VTI1A: variants seen among roughly 807,000 people sequenced by gnomAD.
VTI1A encodes vesicle transport through interaction with t-SNAREs 1A.
VTI1A carries 22 observed loss-of-function variants against 34.9 expected under a neutral mutation model. The observed-to-expected ratio is 0.63, with a 90% CI of 0.45 to 0.90. The LOEUF (loss-of-function observed/expected upper bound fraction) is 0.90, where lower values mean the gene tolerates loss of function less well. VTI1A is among the 40% of genes least tolerant of loss of function. VTI1A has a pLI of 0.00. For synonymous variants in VTI1A, 87 were observed against 97.3 expected (o/e 0.89, Z 0.62); for missense variants, 268 against 275.6 (o/e 0.97, Z 0.20).
intron 3 of VTI1A, among the ~76,000 whole-genome samples, chr10:112,471,175 G>T (rs1367741594): frequency 6.6e-6 from 1 of 151,970 alleles, no homozygotes; most frequent in Non-Finnish European, 1.5e-5. Flanking sequence ...CATTACGGTG[G>T]CTTATCATAG....
intron 5 of VTI1A, among the ~76,000 whole-genome samples, chr10:112,545,867 A>G (rs1238468113): frequency 6.6e-6 from 1 of 150,536 alleles, no homozygotes; most frequent in Middle Eastern, 3.2e-3. Context: ...GTGTGTGTGT[A>G]TTTTGCATAT....
chr10:112,701,151 T>C (rs1848995026), intron 7 of VTI1A, among the ~76,000 whole-genome samples: 2 of 152,256 alleles, frequency 1.3e-5, no homozygotes, highest in African/African-American at 2.4e-5. Flanking sequence ...TGTATGTTAA[T>C]AACTCCAGCT....
the VTI1A span, among the ~76,000 whole-genome samples, chr10:112,850,200 A>G: frequency 2.6e-5 from 4 of 152,138 alleles, no homozygotes; most frequent in Non-Finnish European, 4.4e-5. Flanking sequence ...CTTAGATTAG[A>G]GCACGGCCTA....
chr10:112,579,827 A>G (rs1589929981), intron 5 of VTI1A, among the ~76,000 whole-genome samples: 1 of 152,294 alleles, frequency 6.6e-6, no homozygotes, highest in African/African-American at 2.4e-5. Context: ...GAAGTGCAGC[A>G]TCATGGAAGC....
chr10:112,594,863 A>C (rs1273276062), intron 5 of VTI1A, among the ~76,000 whole-genome samples: 3 of 151,920 alleles, frequency 2.0e-5, no homozygotes, highest in Non-Finnish European at 2.9e-5. Flanking sequence ...GTCAATCCTA[A>C]GCCAAAAGAA....
At chr10:112,605,481 C>T (rs936607401) in intron 5 of VTI1A, among the ~76,000 whole-genome samples, 1 of 152,136 alleles carries the variant, frequency 6.6e-6, no homozygotes, top group African/African-American at 2.4e-5. Flanking sequence ...TGCTTCTGAG[C>T]GTGTGCTGCT....
rs1207081994 is a variant in VTI1A at position 112,479,293 on chromosome 10, T to C, written c.264+14636T>C. Among the ~76,000 whole-genome samples the C allele has an allele frequency of 2.6e-5, 4 of 151,350 alleles. No individual in the cohort carries two copies. In the East Asian group the frequency reaches 7.7e-4, roughly 29 times the overall value. ...GGGGCTTTAGGCATGCTACTACTTTTGAATGAAAGGAAATTGGAAGGACTT... is the reference window on the plus strand; with the variant it reads ...GGGGCTTTAGGCATGCTACTACTTTCGAATGAAAGGAAATTGGAAGGACTT... On this transcript the variant is annotated intron_variant, in intron 3 of 7. Coordinates refer to ENST00000393077, the MANE Select transcript of VTI1A (RefSeq NM_145206.4).
chr10:112,737,154 T>C, intron 7 of VTI1A: 1 of 296,808 alleles, frequency 3.4e-6, no homozygotes, highest in Non-Finnish European at 5.7e-6. Flanking sequence ...CACTGCAACC[T>C]CCACCTCCCA....
chr10:112,508,649 C>T (rs1016245605), intron 3 of VTI1A, among the ~76,000 whole-genome samples: 1 of 152,178 alleles, frequency 6.6e-6, no homozygotes, highest in Non-Finnish European at 1.5e-5. Flanking sequence ...GACACCCTTT[C>T]TGCACCCACG....
intron 5 of VTI1A, among the ~76,000 whole-genome samples, chr10:112,627,720 A>G (rs1170680132): frequency 2.0e-5 from 3 of 152,172 alleles, no homozygotes; most frequent in East Asian, 1.9e-4. Flanking sequence ...AGCATCTACT[A>G]TGTAACAGGA....
At chr10:112,683,158 G>T (rs1347905306) in intron 7 of VTI1A, among the ~76,000 whole-genome samples, 4 of 152,170 alleles carry the variant, frequency 2.6e-5, no homozygotes, top group African/African-American at 4.8e-5. Context: ...TGAATGCAAA[G>T]AATCTTTTTA....
intron 5 of VTI1A, among the ~76,000 whole-genome samples, chr10:112,637,652 C>A (rs1846409107): frequency 6.6e-6 from 1 of 151,634 alleles, no homozygotes; most frequent in Non-Finnish European, 1.5e-5. Context: ...GGGTGAGACT[C>A]CCATCTCAAA....
chr10:112,456,382 A>G (rs1335749254), intron 1 of VTI1A, among the ~76,000 whole-genome samples: 1 of 145,782 alleles, frequency 6.9e-6, no homozygotes, highest in Non-Finnish European at 1.5e-5. Context: ...AGATTGCACC[A>G]CTGCACTCCA....
At chr10:112,785,671 T>G (rs1852265732) in intron 7 of VTI1A, among the ~76,000 whole-genome samples, 1 of 152,228 alleles carries the variant, frequency 6.6e-6, no homozygotes, top group Non-Finnish European at 1.5e-5. Flanking sequence ...ATTTAAATTT[T>G]TGTGTATAGT....
At chr10:112,592,846 A>T (rs978836296) in intron 5 of VTI1A, among the ~76,000 whole-genome samples, 12 of 152,242 alleles carry the variant, frequency 7.9e-5, no homozygotes, top group African/African-American at 2.9e-4. Context: ...GTGTTAACCG[A>T]GTGAATCCTG....
chr10:112,666,275 CTGGGAAAG>C (rs975226876), intron 5 of VTI1A, among the ~76,000 whole-genome samples: 1 of 152,080 alleles, frequency 6.6e-6, no homozygotes, highest in African/African-American at 2.4e-5. Flanking sequence ...AGCTACTATA[CTGGGAAAG>C]AATGTTAAGA....
At chr10:112,459,436 C>T (rs747951274) in intron 1 of VTI1A, among the ~76,000 whole-genome samples, 25 of 152,196 alleles carry the variant, frequency 1.6e-4, no homozygotes, top group Non-Finnish European at 3.2e-4. Flanking sequence ...ATGCCTATCC[C>T]ACCGCCCAAC....
At chr10:112,516,948 TA>T (rs1012641754) in intron 3 of VTI1A, among the ~76,000 whole-genome samples, 12 of 152,038 alleles carry the variant, frequency 7.9e-5, no homozygotes, top group African/African-American at 1.4e-4. Flanking sequence ...TTATATTATT[TA>T]AGGTACTCAA....
the VTI1A span, among the ~76,000 whole-genome samples, chr10:112,842,050 C>CTTTTTTTTTTTTTTTTT: frequency 7.1e-4 from 66 of 93,136 alleles, 2 homozygotes; most frequent in Non-Finnish European, 8.7e-4. Context: ...TTTTTTTTTT[C>CTTTTTTTTTTTTTTTTT]CTTTTTTTTT....
Sources: allele counts gnomAD v4.1 joint callset (sites outside exome capture counted in the v4.1 genomes callset), GRCh38; gene constraint gnomAD v4.1.1; transcripts MANE v1.5; gene names NCBI Gene and HGNC (gene_info 2026-07-23, HGNC 2026-07-21).